SGCD: variants seen among roughly 807,000 people sequenced by gnomAD.
The protein encoded by SGCD is sarcoglycan delta.
SGCD carries 18 observed loss-of-function variants against 36.6 expected under a neutral mutation model. The ratio of observed to expected loss-of-function variants is 0.49; its 90% CI spans 0.34 to 0.73. The LOEUF (loss-of-function observed/expected upper bound fraction) is 0.73. Among genes scored for constraint, SGCD ranks in the 30% least tolerant of loss-of-function variants. The probability of loss-of-function intolerance (pLI) is 0.01; values close to 1 mark genes in which losing one functional copy is unlikely to be tolerated. For missense variants in SGCD, 387 were observed against 346.7 expected (o/e 1.12, Z -0.92); for synonymous variants, 133 against 130.6 (o/e 1.02, Z -0.12).
At chr5:156,153,086 T>A (rs1220644887) in intron 3 of SGCD, among the ~76,000 whole-genome samples, 1 of 151,712 alleles carries the variant, frequency 6.6e-6, no homozygotes, top group Non-Finnish European at 1.5e-5. Flanking sequence ...TAGGTGATCA[T>A]AGCTAACTTG....
chr5:155,868,441 AGCAATCCTCTT>A (rs1483856557), upstream of SGCD, among the ~76,000 whole-genome samples: 1 of 148,790 alleles, frequency 6.7e-6, no homozygotes, highest in East Asian at 2.0e-4. Flanking sequence ...CCTGGCCTCA[AGCAATCCTCTT>A]GCCTCAGACT....
chr5:156,518,218 C>A (rs745726890), intron 4 of SGCD, among the ~76,000 whole-genome samples: 4 of 152,016 alleles, frequency 2.6e-5, no homozygotes, highest in African/African-American at 4.8e-5. Flanking sequence ...GGGCTTTAAA[C>A]CAACAAAAAT....
intron 1 of SGCD, among the ~76,000 whole-genome samples, chr5:156,037,651 C>T (rs540503447): frequency 1.3e-5 from 2 of 152,248 alleles, no homozygotes; most frequent in South Asian, 4.2e-4. Context: ...AGGAAGATGG[C>T]TCTGTCTACA....
chr5:156,438,009 C>G (rs1753315425), intron 3 of SGCD, among the ~76,000 whole-genome samples: 1 of 152,122 alleles, frequency 6.6e-6, no homozygotes, highest in South Asian at 2.1e-4. Context: ...TATGCCTAAG[C>G]ATGCTACCTG....
chr5:155,785,987 G>T, the SGCD span, among the ~76,000 whole-genome samples: 5 of 152,172 alleles, frequency 3.3e-5, no homozygotes, highest in South Asian at 2.1e-4. Context: ...CTAATGTTAC[G>T]TTGGGGTATG....
At chr5:156,341,730 G>A (rs991043474) in intron 2 of SGCD, among the ~76,000 whole-genome samples, 21 of 152,096 alleles carry the variant, frequency 1.4e-4, no homozygotes, top group Non-Finnish European at 2.9e-4. Flanking sequence ...TATTTTTTGA[G>A]ACGAAGTCTT....
chr5:156,533,497 G>C (rs1026983179), intron 4 of SGCD, among the ~76,000 whole-genome samples: 29 of 152,250 alleles, frequency 1.9e-4, no homozygotes, highest in African/African-American at 6.0e-4. Context: ...ATTTTTTAAT[G>C]TGTAAGTGTT....
intron 1 of SGCD, among the ~76,000 whole-genome samples, chr5:155,902,219 T>A (rs752894424): frequency 3.9e-5 from 6 of 152,186 alleles, no homozygotes; most frequent in Non-Finnish European, 8.8e-5. Flanking sequence ...GTAATAGTCA[T>A]GTAACTAAGT....
intron 7 of SGCD, among the ~76,000 whole-genome samples, chr5:156,673,264 T>C (rs760071152): frequency 5.9e-5 from 9 of 152,252 alleles, no homozygotes; most frequent in Non-Finnish European, 1.3e-4. Context: ...CTTTTTTCTA[T>C]TCATAATATA....
Position 156,123,186 on chromosome 5 carries a change from G to A in SGCD, c.-207-670G>A, listed in dbSNP as rs138704200. 1.9e-4 allele frequency among the ~76,000 whole-genome samples: 29 copies of A among 152,212 alleles called. No individual in the cohort carries two copies. The Middle Eastern group carries it at 0.01, about 54-fold the overall frequency. ...AGTCAGTTGATTGAGTTTAGAGTTC[G>A]GGGAAATATCTGGGCCTGGAGACAA... On this transcript the variant is annotated intron_variant, in intron 2 of 9. Coordinates refer to the SGCD transcript ENST00000517913.
intron 7 of SGCD, among the ~76,000 whole-genome samples, chr5:156,693,727 G>A (rs935431417): frequency 6.6e-6 from 1 of 152,050 alleles, no homozygotes; most frequent in Non-Finnish European, 1.5e-5. Flanking sequence ...AAATCAGAAG[G>A]GTAGATTGTA....
intron 3 of SGCD, among the ~76,000 whole-genome samples, chr5:156,149,146 A>G (rs1457397867): frequency 2.0e-5 from 3 of 152,224 alleles, no homozygotes; most frequent in African/African-American, 7.2e-5. Context: ...CATAGTAGGT[A>G]TATGTATCTG....
chr5:156,023,004 G>A (rs1759142045), intron 1 of SGCD, among the ~76,000 whole-genome samples: 1 of 152,160 alleles, frequency 6.6e-6, no homozygotes, highest in African/African-American at 2.4e-5. Flanking sequence ...AGCACAGTGG[G>A]GAGAGCACAA....
chr5:156,577,961 G>A (rs998389811), intron 4 of SGCD, among the ~76,000 whole-genome samples: 20 of 152,176 alleles, frequency 1.3e-4, no homozygotes, highest in Admixed American at 1.3e-3. Context: ...TGTTGAATAG[G>A]AGTGGTGAGA....
intron 3 of SGCD, among the ~76,000 whole-genome samples, chr5:156,319,840 A>G (rs1767611970): frequency 6.6e-6 from 1 of 152,224 alleles, no homozygotes. Context: ...AGAATACGCT[A>G]CAGCTCACCA....
At chr5:156,012,246 C>T (rs1454661911) in intron 1 of SGCD, among the ~76,000 whole-genome samples, 1 of 152,178 alleles carries the variant, frequency 6.6e-6, no homozygotes, top group Non-Finnish European at 1.5e-5. Flanking sequence ...AAATTCTCAC[C>T]ACGCTATCAA....
chr5:155,980,028 G>A (rs189804123), intron 1 of SGCD, among the ~76,000 whole-genome samples: 1 of 151,976 alleles, frequency 6.6e-6, no homozygotes, highest in Non-Finnish European at 1.5e-5. Context: ...CATTAGAAGG[G>A]GATATAGAGA....
chr5:156,179,663 C>T (rs190393124), intron 3 of SGCD, among the ~76,000 whole-genome samples: 7 of 149,328 alleles, frequency 4.7e-5, no homozygotes, highest in African/African-American at 1.5e-4. Context: ...ACTCTATTGC[C>T]CAGGCTGGAG....
At chr5:156,400,341 G>T (rs1772078193) in intron 3 of SGCD, among the ~76,000 whole-genome samples, 1 of 152,194 alleles carries the variant, frequency 6.6e-6, no homozygotes, top group Non-Finnish European at 1.5e-5. Context: ...AAAAGTGCTT[G>T]ACTAAAGGTC....
Sources: gnomAD v4.1 joint callset for allele counts (sites outside exome capture counted in the v4.1 genomes callset) on GRCh38, gnomAD v4.1.1 for gene constraint, MANE v1.5 for transcripts, NCBI Gene and HGNC (gene_info 2026-07-23, HGNC 2026-07-21) for gene names.